SECISBP2: variants seen among roughly 807,000 people sequenced by gnomAD.
SECISBP2 encodes the protein SECIS binding protein 2.
SECISBP2 carries 96 observed loss-of-function variants against 98.2 expected under a neutral mutation model. The ratio of observed to expected loss-of-function variants is 0.98; its 90% CI spans 0.83 to 1.16. The LOEUF is 1.16. SECISBP2 is among the 50% of genes most tolerant of loss of function. SECISBP2 has a pLI of 0.00. For synonymous variants in SECISBP2, 407 were observed against 370.2 expected (o/e 1.10, Z -1.14); for missense variants, 1,046 against 1,022.9 (o/e 1.02, Z -0.31).
chr9:89,345,341 G>A (rs1830270856), intron 10 of SECISBP2, among the ~76,000 whole-genome samples: 1 of 152,168 alleles, frequency 6.6e-6, no homozygotes, highest in Admixed American at 6.5e-5. Context: ...AGCCCCTTAT[G>A]GCAGTGACAG....
At position 89,334,704 on chromosome 9, in the gene SECISBP2, A is replaced by G; in HGVS notation, c.1063A>G (p.Lys355Glu). Residue 355 changes from lysine to glutamate, a missense_variant, in exon 7 of 17, where the codon AAA becomes GAA. Lys to Glu is a moderately conservative substitution (Grantham distance 56, BLOSUM62 1). Transcript: ENST00000375807. ...LSSDPSYNKE[K>E]HIIHPTQKSK... is the part of the protein sequence containing the mutation. ...TTCGGATCCTTCCTACAACAAAGAA[A>G]AACACATTATTCATCCTACCCAAAA... 2 of 1,613,790 alleles carry G rather than the reference A, an allele frequency of 1.2e-6. No homozygotes were observed. The highest frequency in any genetic ancestry group is 1.7e-6 in the Non-Finnish European group (2 of 1,179,938).
chr9:89,331,611 T>C (rs1009912767), intron 5 of SECISBP2, among the ~76,000 whole-genome samples: 1 of 152,246 alleles, frequency 6.6e-6, no homozygotes, highest in Non-Finnish European at 1.5e-5. Context: ...ATATGTCTTA[T>C]GTTTAATATG....
At chr9:89,362,113 G>T (rs1350838174), downstream of SECISBP2, 3 of 568,338 alleles carry the variant, frequency 5.3e-6, no homozygotes, top group East Asian at 5.8e-5. Flanking sequence ...AGCTATCAAA[G>T]CCTGTTAGCC....
In SECISBP2 at chr9:89,357,175, A is replaced by C. The variant is rs567801478; in HGVS notation, c.2114-236A>C. The C allele has an allele frequency of 2.7e-5, 15 of 561,136 alleles. No homozygotes were observed. The East Asian group carries it at 4.4e-4, about 16-fold the overall frequency. The allele number at this position is 561,136 out of a possible 1,614,324, so 34.8% of individuals were successfully genotyped here. A position where few individuals can be genotyped will look rare whatever the true frequency, so the allele number is the denominator to read the frequency against. ...ATAGGTGGTAAGTTTCAGTAATACTAATAGTTAACTTTTCCTGTTAAGACA... is the reference window on the plus strand; with the variant it reads ...ATAGGTGGTAAGTTTCAGTAATACTCATAGTTAACTTTTCCTGTTAAGACA... On this transcript the variant is annotated intron_variant, in intron 14 of 16. Coordinates refer to ENST00000375807, the MANE Select transcript of SECISBP2 (RefSeq NM_024077.5).
downstream of SECISBP2, among the ~76,000 whole-genome samples, chr9:89,360,254 C>A (rs1444093047): frequency 6.6e-6 from 1 of 152,132 alleles, no homozygotes; most frequent in Non-Finnish European, 1.5e-5. Flanking sequence ...GGGCAGTCAG[C>A]GGGGCCAGCA....
chr9:89,336,116 G>T (rs1220604209), intron 7 of SECISBP2, among the ~76,000 whole-genome samples: 1 of 68,196 alleles, frequency 1.5e-5, no homozygotes, highest in Admixed American at 2.8e-4. Context: ...TTTCACTGCA[G>T]CTTTGATCTC....
chr9:89,353,227 G>A (rs1831549198), intron 14 of SECISBP2, among the ~76,000 whole-genome samples: 2 of 152,206 alleles, frequency 1.3e-5, no homozygotes, highest in South Asian at 2.1e-4. Context: ...CCCAGGTGCT[G>A]TTGCTGCTTC....
rs778701913 is a variant in SECISBP2, at chr9:89,319,702, G to T, written c.87G>T (p.Gly29=). The T allele has an allele frequency of 1.9e-6, 3 of 1,614,042 alleles. No individual in the cohort carries two copies. In the Admixed American group the frequency reaches 5.0e-5, roughly 27 times the overall value. ...DVKPFVPRFA[G]LNVAWLESSE... ...AACCATTTGTCCCCAGATTTGCCGGGCTCAATGTGGCATGGTTAGAGTCCT... is the reference window on the plus strand; with the variant it reads ...AACCATTTGTCCCCAGATTTGCCGGTCTCAATGTGGCATGGTTAGAGTCCT... The change falls in exon 2 of 17, where the codon GGG becomes GGT. Residue 29 remains glycine, a synonymous_variant. Transcript: ENST00000375807.
rs1830840476 is a variant in SECISBP2, at chr9:89,348,905, G to T, written c.1738+691G>T. Among the ~76,000 whole-genome samples, 3 of 152,374 alleles carry T rather than the reference G, an allele frequency of 2.0e-5. No homozygotes were observed. In the South Asian group the frequency reaches 6.2e-4, roughly 32 times the overall value. ...AAATTCGGTTGGACGAATGTACAGGGTTGCGGATGGGCATTCAGGCATTTT... is the reference window on the plus strand; with the variant it reads ...AAATTCGGTTGGACGAATGTACAGGTTTGCGGATGGGCATTCAGGCATTTT... On this transcript the variant is annotated intron_variant, in intron 12 of 16. Transcript: ENST00000375807.
chr9:89,322,230 GTAGTCTGA>G (rs1434842356), intron 2 of SECISBP2: 2 of 152,242 alleles, frequency 1.3e-5, no homozygotes, highest in African/African-American at 4.8e-5. Context: ...GAAATTAGAA[GTAGTCTGA>G]TAGATAACAT....
Position 89,357,564 on chromosome 9 carries a change from A to G in SECISBP2, c.2267A>G (p.Gln756Arg), listed in dbSNP as rs1832279607. 6.2e-7 allele frequency: 1 copy of G among 1,613,410 alleles called. No homozygotes were observed. The highest frequency in any genetic ancestry group is 2.2e-5 in the East Asian group (1 of 44,886). The change falls in exon 15 of 17, where the codon CAG becomes CGG. Residue 756 changes from glutamine (Q) to arginine (R), a missense_variant and splice_region_variant. Gln to Arg is a conservative substitution (Grantham distance 43, BLOSUM62 1). Transcript: ENST00000375807. Reference protein sequence around the residue: ...VVGIFSYDGAQDQFHKMVELT... With the variant: ...VVGIFSYDGARDQFHKMVELT... The stretch of plus-strand genomic sequence containing the variant: ...GGGATCTTCAGCTATGATGGGGCCC[A>G]GGTGAGTGCACAGGGCACAGGCCTC...
chr9:89,335,386 G>A (rs1828490497), intron 7 of SECISBP2, among the ~76,000 whole-genome samples: 2 of 152,008 alleles, frequency 1.3e-5, no homozygotes, highest in Admixed American at 6.5e-5. Flanking sequence ...AGCCTGGAGT[G>A]CAGTGGCATG....
chr9:89,325,212 C>G (rs1474278898), intron 2 of SECISBP2: 7 of 566,914 alleles, frequency 1.2e-5, no homozygotes, highest in Non-Finnish European at 2.2e-5. Context: ...TACGGACTTC[C>G]AGCTCATTAG....
Position 89,334,515 on chromosome 9 carries a change from T to A in SECISBP2, c.881-7T>A, listed in dbSNP as rs761687818. On this transcript the variant is annotated splice_region_variant and splice_polypyrimidine_tract_variant and intron_variant, in intron 6 of 16. Coordinates refer to ENST00000375807, the MANE Select transcript of SECISBP2 (RefSeq NM_024077.5). ...ATTGTTCAACAATTTTGGTTATCTT[T>A]GAGCAGAGTTATCTTGGACACCAAT... is the stretch of plus-strand genomic sequence containing the variant. 6.2e-7 allele frequency: 1 copy of A among 1,613,492 alleles called. No homozygotes were observed. Among genetic ancestry groups the A allele is most frequent in the Non-Finnish European group, 8.5e-7 (1 of 1,179,662 alleles).
At chr9:89,362,201 C>T, downstream of SECISBP2, 2 of 788,556 alleles carry the variant, frequency 2.5e-6, no homozygotes, top group Non-Finnish European at 4.1e-6. Flanking sequence ...TAGTTCCTGT[C>T]ACAGGCCCAC....
chr9:89,340,946 A>G (rs1394415392), intron 9 of SECISBP2, among the ~76,000 whole-genome samples: 1 of 152,054 alleles, frequency 6.6e-6, no homozygotes, highest in African/African-American at 2.4e-5. Flanking sequence ...ATTTCATGGC[A>G]TTTGTTGGTT....
rs777128809 is a variant in SECISBP2 at position 89,348,100 on chromosome 9, G to A, written c.1624G>A (p.Glu542Lys). 2 of 1,613,772 alleles carry A rather than the reference G, an allele frequency of 1.2e-6. No individual in the cohort carries two copies. Among genetic ancestry groups the A allele is most frequent in the Non-Finnish European group, 8.5e-7 (1 of 1,179,610 alleles). The change falls in exon 12 of 17, where the codon GAG becomes AAG. Residue 542 changes from glutamate (E) to lysine (K), a missense_variant. By Grantham distance (56) the Glu-to-Lys change is moderately conservative. Coordinates refer to ENST00000375807, the MANE Select transcript of SECISBP2 (RefSeq NM_024077.5). The stretch of plus-strand genomic sequence containing the variant: ...TAAGATTATTTTGAAAGAACGGCAA[G>A]AGAGAAAGCAGCGTCTCCAAGAAAA... ...LKKIILKERQ[E>K]RKQRLQENAV...
chr9:89,319,369 C>G (rs1396277473), intron 1 of SECISBP2, among the ~76,000 whole-genome samples: 1 of 151,978 alleles, frequency 6.6e-6, no homozygotes, highest in Admixed American at 6.6e-5. Context: ...GTAAAAACAC[C>G]CTTATTCCAA....
At chr9:89,323,344 A>C (rs1201630086) in intron 2 of SECISBP2, 2 of 152,294 alleles carry the variant, frequency 1.3e-5, no homozygotes, top group Non-Finnish European at 2.9e-5. Flanking sequence ...TCTGACCCAG[A>C]ATGTGTCAGA....
Sources: gnomAD v4.1 joint callset for allele counts (sites outside exome capture counted in the v4.1 genomes callset) on GRCh38, gnomAD v4.1.1 for gene constraint, MANE v1.5 for transcripts, NCBI Gene and HGNC (gene_info 2026-07-23, HGNC 2026-07-21) for gene names.